The following PRPF18 variants were observed in gnomAD, a reference collection of about 807,000 sequenced individuals.
PRPF18 encodes the protein pre-mRNA processing factor 18.
In PRPF18, 38 loss-of-function variants were observed where a neutral mutation model predicts 46.5. The observed-to-expected ratio is 0.82, with a 90% CI of 0.63 to 1.07. PRPF18 has a LOEUF of 1.07. Among genes scored for constraint, PRPF18 ranks in the 50% least tolerant of loss-of-function variants. PRPF18 has a pLI of 0.00. For missense variants in PRPF18, 263 were observed against 410.0 expected, an observed-to-expected ratio of 0.64 and a Z score of 3.10; for synonymous variants, 152 against 146.7, an observed-to-expected ratio of 1.04 and a Z score of -0.26.
the PRPF18 span, among the ~76,000 whole-genome samples, chr10:13,649,041 G>A: frequency 6.6e-6 from 1 of 152,162 alleles, no homozygotes; most frequent in Non-Finnish European, 1.5e-5. Context: ...GTTTGCCACA[G>A]AACTTCTGGA....
At chr10:13,654,031 G>T in the PRPF18 span, 1 of 382,976 alleles carries the variant, frequency 2.6e-6, no homozygotes, top group Non-Finnish European at 4.6e-6. Context: ...CAGTGTATTT[G>T]CTGTCTTCAT....
intron 4 of PRPF18, among the ~76,000 whole-genome samples, chr10:13,609,074 T>G (rs1797812273): frequency 6.6e-6 from 1 of 152,252 alleles, no homozygotes; most frequent in South Asian, 2.1e-4. Context: ...TCTGTGTTTA[T>G]GAAGGGACAG....
chr10:13,611,257 T>C (rs550339035), intron 5 of PRPF18, among the ~76,000 whole-genome samples: 13 of 151,986 alleles, frequency 8.6e-5, no homozygotes, highest in Non-Finnish European at 1.3e-4. Context: ...TATTGAGATA[T>C]TGACATACCA....
At chr10:13,634,739 G>C (rs1240593050), downstream of PRPF18, among the ~76,000 whole-genome samples, 1 of 152,192 alleles carries the variant, frequency 6.6e-6, no homozygotes, top group African/African-American at 2.4e-5. Context: ...AAAGTCACTG[G>C]CCGTACCATG....
chr10:13,632,115 G>A, downstream of PRPF18: 1 of 152,740 alleles, frequency 6.5e-6, no homozygotes, highest in Non-Finnish European at 1.5e-5. Flanking sequence ...GCCGAGGTGG[G>A]CAGATCACGA....
intron 9 of PRPF18, among the ~76,000 whole-genome samples, chr10:13,629,990 A>C (rs567786885): frequency 1.3e-5 from 2 of 152,204 alleles, no homozygotes; most frequent in Non-Finnish European, 2.9e-5. Flanking sequence ...TGAGCACACT[A>C]AAGTTTTTTT....
chr10:13,602,729 T>C (rs914163057), intron 3 of PRPF18, among the ~76,000 whole-genome samples: 12 of 152,176 alleles, frequency 7.9e-5, no homozygotes, highest in African/African-American at 2.9e-4. Flanking sequence ...TATTTTAGAA[T>C]TCTGTTACTT....
chr10:13,615,209 A>G (rs2080322560), intron 8 of PRPF18, among the ~76,000 whole-genome samples: 1 of 152,248 alleles, frequency 6.6e-6, no homozygotes, highest in Non-Finnish European at 1.5e-5. Context: ...AAGAATGCAC[A>G]TCACTCCCTG....
chr10:13,619,280 T>G (rs2080390929), intron 9 of PRPF18, among the ~76,000 whole-genome samples: 1 of 152,264 alleles, frequency 6.6e-6, no homozygotes, highest in South Asian at 2.1e-4. Context: ...GGATTAAACT[T>G]GTTTTATACA....
the PRPF18 span, chr10:13,644,127 C>G: frequency 1.3e-5 from 2 of 152,560 alleles, no homozygotes; most frequent in Non-Finnish European, 2.9e-5. Context: ...ACAGTTTCAA[C>G]ACTCACCTGC....
chr10:13,618,448 C>T (rs567194477), intron 9 of PRPF18, among the ~76,000 whole-genome samples: 9 of 151,540 alleles, frequency 5.9e-5, no homozygotes, highest in South Asian at 4.2e-4. Flanking sequence ...GGCAACATAG[C>T]GAGACCCCAT....
chr10:13,588,030 CG>C (rs2079902102), intron 1 of PRPF18, among the ~76,000 whole-genome samples: 1 of 152,148 alleles, frequency 6.6e-6, no homozygotes, highest in South Asian at 2.1e-4. Context: ...CCCCTATCCC[CG>C]CTCCTACCTG....
intron 2 of PRPF18, among the ~76,000 whole-genome samples, chr10:13,598,490 C>T (rs1302484567): frequency 6.6e-6 from 1 of 152,028 alleles, no homozygotes; most frequent in African/African-American, 2.4e-5. Flanking sequence ...TATGTATATG[C>T]ATTTGGTTTG....
chr10:13,597,812 T>A (rs1345637519), intron 2 of PRPF18: 7 of 502,028 alleles, frequency 1.4e-5, no homozygotes, highest in East Asian at 5.0e-5. Context: ...TTTTTTTTTT[T>A]AATAAAGTCC....
chr10:13,650,190 G>A, the PRPF18 span, among the ~76,000 whole-genome samples: 45 of 152,336 alleles, frequency 3.0e-4, no homozygotes, highest in African/African-American at 1.1e-3. Flanking sequence ...GGGCTGCTGG[G>A]AGGGAGGAAT....
At chr10:13,605,785 G>A (rs2080175044) in intron 4 of PRPF18, 41 bp downstream of exon 4, 3 of 1,563,276 alleles carry the variant, frequency 1.9e-6, no homozygotes, top group East Asian at 2.3e-5. Context: ...CCACTGTACT[G>A]CATTCACTAG....
chr10:13,595,623 T>G (rs2080023934), intron 1 of PRPF18, among the ~76,000 whole-genome samples: 1 of 152,206 alleles, frequency 6.6e-6, no homozygotes, highest in African/African-American at 2.4e-5. Flanking sequence ...TCACCTAACC[T>G]AATTCTCAGC....
chr10:13,627,678 A>G (rs2080528571), intron 9 of PRPF18, among the ~76,000 whole-genome samples: 1 of 152,238 alleles, frequency 6.6e-6, no homozygotes, highest in Non-Finnish European at 1.5e-5. Context: ...AAAACAATTG[A>G]GTTTCACAAC....
rs373644439 is a variant in PRPF18, at chr10:13,587,042, C to G, written c.-45C>G. 4.4e-6 allele frequency: 7 copies of G among 1,596,840 alleles called. No homozygotes were observed. Among genetic ancestry groups the G allele is most frequent in the Non-Finnish European group, 6.0e-6 (7 of 1,164,360 alleles). ...GCCGCCGGCCCAGTGAGGCTGGGTT[C>G]GAGGAGCTGGAGCGGGAAACTGGAG... On this transcript the variant is annotated 5_prime_UTR_variant, in exon 1 of 10. Transcript: ENST00000378572.
Sources: gnomAD v4.1 joint callset for allele counts (sites outside exome capture counted in the v4.1 genomes callset) on GRCh38, gnomAD v4.1.1 for gene constraint, MANE v1.5 for transcripts, NCBI Gene and HGNC (gene_info 2026-07-23, HGNC 2026-07-21) for gene names.